The following UHRF1 variants were observed in gnomAD, a reference collection of about 807,000 sequenced individuals.
UHRF1 encodes the protein E3 ubiquitin-protein ligase UHRF1.
UHRF1 carries 9 observed loss-of-function variants against 96.5 expected under a neutral mutation model. The observed-to-expected ratio is 0.09, with a 90% CI of 0.06 to 0.16. The LOEUF (loss-of-function observed/expected upper bound fraction) is 0.16, where lower values mean the gene tolerates loss of function less well. Among genes scored for constraint, UHRF1 ranks in the 10% least tolerant of loss-of-function variants. The probability of loss-of-function intolerance (pLI) is 1.00; values close to 1 mark genes in which losing one functional copy is unlikely to be tolerated. For synonymous variants in UHRF1, 455 were observed against 469.9 expected (o/e 0.97, Z 0.41); for missense variants, 626 against 1,131.1 (o/e 0.55, Z 6.40).
intron 5 of UHRF1, among the ~76,000 whole-genome samples, chr19:4,940,426 C>T (rs1252571805): frequency 7.8e-6 from 1 of 128,740 alleles, no homozygotes; most frequent in East Asian, 2.6e-4. Flanking sequence ...AGTGCAGTGG[C>T]GTGATCATCT....
At chr19:4,947,658 G>A (rs1205705467) in intron 11 of UHRF1, among the ~76,000 whole-genome samples, 1 of 151,718 alleles carries the variant, frequency 6.6e-6, no homozygotes, top group Non-Finnish European at 1.5e-5. Context: ...TTGCCACCTC[G>A]CCTGGCTAAT....
chr19:4,926,426 G>A (rs2032873136), intron 2 of UHRF1, among the ~76,000 whole-genome samples: 1 of 152,314 alleles, frequency 6.6e-6, no homozygotes, highest in East Asian at 1.9e-4. Context: ...AGAACAGAGG[G>A]GCTGAAGCGG....
At chr19:4,912,199 C>T (rs1028894752) in intron 2 of UHRF1, among the ~76,000 whole-genome samples, 34 of 152,170 alleles carry the variant, frequency 2.2e-4, no homozygotes, top group Non-Finnish European at 4.0e-4. Flanking sequence ...GGGGAGTTGA[C>T]GGTGCAAGCC....
intron 10 of UHRF1, among the ~76,000 whole-genome samples, chr19:4,946,520 T>G (rs780860611): frequency 6.6e-6 from 1 of 152,138 alleles, no homozygotes; most frequent in East Asian, 1.9e-4. Flanking sequence ...TTCCATTCTT[T>G]TGGGTGTATA....
At chr19:4,926,805 C>T (rs1222451168) in intron 2 of UHRF1, among the ~76,000 whole-genome samples, 1 of 152,062 alleles carries the variant, frequency 6.6e-6, no homozygotes, top group Non-Finnish European at 1.5e-5. Flanking sequence ...TGGCTCACGC[C>T]TGTAATCCCG....
intron 11 of UHRF1, 131 bp downstream of exon 11, chr19:4,947,342 T>A: frequency 1.2e-6 from 1 of 824,536 alleles, no homozygotes; most frequent in African/African-American, 1.7e-5. Flanking sequence ...GCCTGGCATT[T>A]GGTTCCTCCC....
chr19:4,906,935 C>A (rs548183113), upstream of UHRF1, among the ~76,000 whole-genome samples: 1 of 152,264 alleles, frequency 6.6e-6, no homozygotes, highest in Admixed American at 6.5e-5. Context: ...CTGCTCATAC[C>A]TGTGGTGTGG....
At chr19:4,920,926 C>T (rs1333568621) in intron 2 of UHRF1, among the ~76,000 whole-genome samples, 1 of 148,122 alleles carries the variant, frequency 6.8e-6, no homozygotes, top group African/African-American at 2.5e-5. Flanking sequence ...GAGATCGAAA[C>T]CATCCTGGCC....
intron 10 of UHRF1, 95 bp downstream of exon 10, chr19:4,946,060 T>C: frequency 1.0e-6 from 1 of 963,448 alleles, no homozygotes; most frequent in South Asian, 1.7e-5. Context: ...CTAGCCGTTT[T>C]TAAATGCTTG....
At chr19:4,949,682 T>C (rs2033665791) in intron 11 of UHRF1, among the ~76,000 whole-genome samples, 1 of 151,906 alleles carries the variant, frequency 6.6e-6, no homozygotes, top group Non-Finnish European at 1.5e-5. Flanking sequence ...AAAAAGAATT[T>C]CAAAAAAGTT....
At chr19:4,959,163 C>G (rs1167334148) in intron 16 of UHRF1, among the ~76,000 whole-genome samples, 1 of 151,760 alleles carries the variant, frequency 6.6e-6, no homozygotes, top group African/African-American at 2.4e-5. Context: ...AACCCTGTCT[C>G]TACTAAAAAT....
intron 2 of UHRF1, among the ~76,000 whole-genome samples, chr19:4,918,043 A>G (rs1227866073): frequency 6.6e-6 from 1 of 152,124 alleles, no homozygotes; most frequent in Non-Finnish European, 1.5e-5. Context: ...CTTGACCTTC[A>G]GTTTCCCCCC....
intron 2 of UHRF1, 96 bp downstream of exon 2, chr19:4,911,134 C>CA: frequency 8.0e-7 from 1 of 1,254,362 alleles, no homozygotes; most frequent in South Asian, 1.6e-5. Context: ...CCTCCCCCCC[C>CA]AACAACCTCG....
upstream of UHRF1, among the ~76,000 whole-genome samples, chr19:4,905,108 CTTTTTTTTTTTTTTTT>C (rs61443004): frequency 1.1e-5 from 1 of 95,192 alleles, no homozygotes; most frequent in African/African-American, 5.1e-5. Flanking sequence ...CGTAAACTTT[CTTTTTTTTTTTTTTTT>C]TTTTTTTTTT....
At chr19:4,952,359 G>A (rs1352166167) in intron 13 of UHRF1, among the ~76,000 whole-genome samples, 1 of 147,456 alleles carries the variant, frequency 6.8e-6, no homozygotes, top group Non-Finnish European at 1.5e-5. Flanking sequence ...CTCCCAAAGT[G>A]CTGGGATTAC....
At position 4,936,754 on chromosome 19, in the gene UHRF1, C is replaced by A. The variant is rs2033227299; in HGVS notation, c.785+3798C>A. 2.0e-5 allele frequency among the ~76,000 whole-genome samples: 3 copies of A among 150,630 alleles called. No homozygotes were observed. The Admixed American group carries it at 2.0e-4, about 10-fold the overall frequency. On this transcript the variant is annotated intron_variant, in intron 5 of 16. Coordinates refer to ENST00000650932, the MANE Select transcript of UHRF1 (RefSeq NM_001048201.3). ...CCTGGGAGGTTGAGGCTGCAGTGAG[C>A]CGTGATCACACCACTGCCCTCCAGC...
intron 5 of UHRF1, among the ~76,000 whole-genome samples, chr19:4,936,380 G>A (rs1049241466): frequency 6.6e-6 from 1 of 152,198 alleles, no homozygotes; most frequent in South Asian, 2.1e-4. Context: ...CAGATCTGCA[G>A]ATGACAGACC....
At chr19:4,934,730 C>T (rs2033166750) in intron 5 of UHRF1, among the ~76,000 whole-genome samples, 1 of 152,140 alleles carries the variant, frequency 6.6e-6, no homozygotes, top group Admixed American at 6.6e-5. Flanking sequence ...AGCAAGCACG[C>T]AGAGGTCCTG....
Position 4,947,197 on chromosome 19 carries a change from C to A in UHRF1, c.1503C>A (p.Leu501=), listed in dbSNP as rs1161995040. 1 of 1,613,734 alleles carries A rather than the reference C, an allele frequency of 6.2e-7. No individual in the cohort carries two copies. The highest frequency in any genetic ancestry group is 2.2e-5 in the East Asian group (1 of 44,900). Residue 501 remains leucine (L), a synonymous_variant, in exon 11 of 17, where the codon CTC becomes CTA. Coordinates refer to ENST00000650932, the MANE Select transcript of UHRF1 (RefSeq NM_001048201.3). ...RTAEQSCDQK[L]TNTNRALALN... ...CGGAACAGTCTTGTGATCAGAAACT[C>A]ACCAACACCAACAGGTTTGTGGAAT...
Sources: gnomAD v4.1 joint callset for allele counts (sites outside exome capture counted in the v4.1 genomes callset) on GRCh38, gnomAD v4.1.1 for gene constraint, MANE v1.5 for transcripts, NCBI Gene and HGNC (gene_info 2026-07-23, HGNC 2026-07-21) for gene names.